AKR1E2: variants seen among roughly 807,000 people sequenced by gnomAD.
AKR1E2 encodes aldo-keto reductase family 1 member E2, also known as 1,5-anhydro-D-fructose reductase.
A neutral mutation model predicts 41.9 loss-of-function variants in AKR1E2; 43 were observed. That is an observed-to-expected ratio of 1.03 (90% CI 0.80 to 1.32). The LOEUF (loss-of-function observed/expected upper bound fraction) is 1.32, where lower values mean the gene tolerates loss of function less well. Ranked by LOEUF, AKR1E2 falls within the 40% of genes most tolerant of loss-of-function variation. The pLI is 0.00. For synonymous variants in AKR1E2, 121 were observed against 138.9 expected (o/e 0.87, Z 0.91); for missense variants, 423 against 396.5 (o/e 1.07, Z -0.57).
intron 8 of AKR1E2, among the ~76,000 whole-genome samples, chr10:4,845,334 C>T (rs868168504): frequency 1.3e-5 from 2 of 152,228 alleles, no homozygotes; most frequent in Non-Finnish European, 2.9e-5. Context: ...GAGCCGACTC[C>T]GGCCTCGGCC....
intron 3 of AKR1E2, among the ~76,000 whole-genome samples, chr10:4,834,380 C>T (rs1239501875): frequency 3.9e-5 from 6 of 152,340 alleles, no homozygotes; most frequent in Non-Finnish European, 8.8e-5. Context: ...GGGCAGCTGT[C>T]CGTTAGTGAC....
At chr10:4,833,265 A>G (rs1702951628) in intron 2 of AKR1E2, 85 bp from the exon 3 acceptor site, 6 of 1,111,048 alleles carry the variant, frequency 5.4e-6, no homozygotes, top group Non-Finnish European at 8.2e-6. Context: ...TTTGGGTTCA[A>G]GACAGTAGCT....
the AKR1E2 span, among the ~76,000 whole-genome samples, chr10:4,871,728 G>C: frequency 6.6e-6 from 1 of 152,064 alleles, no homozygotes; most frequent in Admixed American, 6.5e-5. Context: ...GGAATCAAGA[G>C]AAAACTAGGT....
At chr10:4,844,723 C>T (rs1364409018) in intron 8 of AKR1E2, among the ~76,000 whole-genome samples, 1 of 152,180 alleles carries the variant, frequency 6.6e-6, no homozygotes, top group Non-Finnish European at 1.5e-5. Flanking sequence ...GTGAGCTAGA[C>T]ACAGGGTGCT....
upstream of AKR1E2, among the ~76,000 whole-genome samples, chr10:4,825,568 T>G (rs1427430577): frequency 6.6e-6 from 1 of 152,152 alleles, no homozygotes; most frequent in Non-Finnish European, 1.5e-5. Flanking sequence ...CCCGCTGTCC[T>G]GCAAGCCCCA....
In AKR1E2 at chr10:4,839,889, T is replaced by C. The variant is rs77912995; in HGVS notation, c.680+63T>C. ...CTGGGAAGTAGATGCCACCTTCTCATTTCCTTGGGATGACTGAGGGAGGGC... is the reference window on the plus strand; with the variant it reads ...CTGGGAAGTAGATGCCACCTTCTCACTTCCTTGGGATGACTGAGGGAGGGC... On this transcript the variant is annotated intron_variant, in intron 6 of 9. Coordinates refer to ENST00000298375, the MANE Select transcript of AKR1E2 (RefSeq NM_001040177.3). 405 of 1,453,746 alleles carry C rather than the reference T, an allele frequency of 2.8e-4. 1 individual carries two copies. In the East Asian group the frequency reaches 7.9e-3, roughly 28 times the overall value. 90.1% of individuals were successfully genotyped at this position (1,453,746 alleles called of 1,614,324 possible). A position where few individuals can be genotyped will look rare whatever the true frequency, so the allele number is the denominator to read the frequency against.
At position 4,847,767 on chromosome 10, in the gene AKR1E2, A is replaced by T. The variant is rs1302628448; in HGVS notation, c.*237A>T. 1.9e-6 allele frequency: 1 copy of T among 522,960 alleles called. No individual in the cohort carries two copies. Among genetic ancestry groups the T allele is most frequent in the Non-Finnish European group, 3.4e-6 (1 of 297,094 alleles). The allele number at this position is 522,960 out of a possible 1,614,324, so 32.4% of individuals were successfully genotyped here. On this transcript the variant is annotated 3_prime_UTR_variant, in exon 10 of 10. Transcript: ENST00000298375. Reference sequence around the variant, plus strand: ...TGTGGCCTCTACTCTGAACAAATACACTGATGAGTCATCAGTGAAATTTGC... The same window carrying T: ...TGTGGCCTCTACTCTGAACAAATACTCTGATGAGTCATCAGTGAAATTTGC...
chr10:4,852,971 G>T (rs552821906), downstream of AKR1E2, among the ~76,000 whole-genome samples: 1 of 152,286 alleles, frequency 6.6e-6, no homozygotes, highest in Admixed American at 6.5e-5. Context: ...AGGTTGTGGG[G>T]CTATGTCTTA....
At chr10:4,865,830 C>T in the AKR1E2 span, among the ~76,000 whole-genome samples, 8 of 152,272 alleles carry the variant, frequency 5.3e-5, no homozygotes, top group Admixed American at 2.0e-4. Flanking sequence ...CCAACCCAAC[C>T]GTTGCCACCA....
At position 4,839,744 on chromosome 10, in the gene AKR1E2, T is replaced by C; in HGVS notation, c.598T>C (p.Tyr200His). 1 of 1,614,040 alleles carries C rather than the reference T, an allele frequency of 6.2e-7. No homozygotes were observed. The highest frequency in any genetic ancestry group is 8.5e-7 in the Non-Finnish European group (1 of 1,179,886). The stretch of plus-strand genomic sequence containing the variant: ...TCTGTTATAGATTGAGTGCCACCCA[T>C]ATCTTACTCAGAAGAATCTGATCAG... ...PLTNQIECHP[Y>H]LTQKNLISFC... The change falls in exon 6 of 10, where the codon TAT becomes CAT. Residue 200 changes from tyrosine (Y) to histidine (H), a missense_variant. Physicochemically the swap from Tyr to His is moderately conservative, Grantham distance 83. Coordinates refer to ENST00000298375, the MANE Select transcript of AKR1E2 (RefSeq NM_001040177.3).
chr10:4,830,732 C>T lies in AKR1E2; in HGVS notation c.97C>T (p.His33Tyr), dbSNP rs141566915. Residue 33 changes from histidine (H) to tyrosine (Y), a missense_variant, in exon 2 of 10, where the codon CAC (histidine) becomes TAC (tyrosine). Physicochemically the swap from His to Tyr is moderately conservative, Grantham distance 83. Transcript: ENST00000298375. ...AGAGGCCATTGACGCAGGGTACCGG[C>T]ACTTCGACTGTGCTTACTTTTACCA... ...VKEAIDAGYR[H>Y]FDCAYFYHNE... 2.4e-5 allele frequency: 39 copies of T among 1,614,106 alleles called. No homozygotes were observed. Among genetic ancestry groups the T allele is most frequent in the Non-Finnish European group, 3.2e-5 (38 of 1,180,004 alleles).
downstream of AKR1E2, among the ~76,000 whole-genome samples, chr10:4,850,352 AT>A (rs1564281924): frequency 6.6e-6 from 1 of 152,218 alleles, no homozygotes; most frequent in African/African-American, 2.4e-5. Flanking sequence ...TTTTATTTGA[AT>A]GGAAAATCCA....
At chr10:4,826,532 G>T (rs1360430613) in intron 1 of AKR1E2, among the ~76,000 whole-genome samples, 169 bp downstream of exon 1, 1 of 152,202 alleles carries the variant, frequency 6.6e-6, no homozygotes, top group East Asian at 1.9e-4. Context: ...CCCACAAGCA[G>T]CCCGGCCCGG....
upstream of AKR1E2, chr10:4,826,191 T>C: frequency 1.6e-6 from 1 of 621,732 alleles, no homozygotes; most frequent in East Asian, 3.5e-5. Flanking sequence ...TTCCAGCCAT[T>C]GTCGGAGTGT....
chr10:4,835,638 T>TA lies in AKR1E2; in HGVS notation c.325-37_325-36insA, dbSNP rs748281837. ...ACATGGTTTTTTTTGTTTTGTTTTG[T>TA]TTTGTTTTCACACATCTCAACTCTC... is the stretch of plus-strand genomic sequence containing the variant. On this transcript the variant is annotated intron_variant, in intron 3 of 9. Transcript: ENST00000298375. The TA allele has an allele frequency of 1.1e-5, 17 of 1,595,626 alleles. No individual in the cohort carries two copies. In the Middle Eastern group the frequency reaches 5.0e-4, roughly 47 times the overall value.
chr10:4,866,646 T>G, the AKR1E2 span, among the ~76,000 whole-genome samples: 20 of 117,832 alleles, frequency 1.7e-4, 2 homozygotes, highest in Non-Finnish European at 2.5e-4. Flanking sequence ...TTTGTTTTTG[T>G]TTTTTTTTTT....
At chr10:4,858,033 C>A in the AKR1E2 span, among the ~76,000 whole-genome samples, 1 of 152,016 alleles carries the variant, frequency 6.6e-6, no homozygotes, top group African/African-American at 2.4e-5. Flanking sequence ...CTGTTAGATT[C>A]GGTTTCGTTC....
chr10:4,873,041 C>T, the AKR1E2 span, among the ~76,000 whole-genome samples: 1 of 152,066 alleles, frequency 6.6e-6, no homozygotes, highest in Non-Finnish European at 1.5e-5. Context: ...TTGGCTGTGT[C>T]CCCACCCAAA....
In AKR1E2 at chr10:4,847,617, G is replaced by T; in HGVS notation, c.*87G>T. ...ACCCTCCTCTGTCATCACAGCGCCA[G>T]GGCAGCTGTGCCTGGGACAGGAGCC... On this transcript the variant is annotated 3_prime_UTR_variant, in exon 10 of 10. Coordinates refer to ENST00000298375, the MANE Select transcript of AKR1E2 (RefSeq NM_001040177.3). 6.8e-7 allele frequency: 1 copy of T among 1,474,588 alleles called. No homozygotes were observed. The highest frequency in any genetic ancestry group is 9.4e-7 in the Non-Finnish European group (1 of 1,063,464). 91.3% of individuals were successfully genotyped at this position (1,474,588 alleles called of 1,614,324 possible).
Sources: gnomAD v4.1 joint callset for allele counts (sites outside exome capture counted in the v4.1 genomes callset) on GRCh38, gnomAD v4.1.1 for gene constraint, MANE v1.5 for transcripts, NCBI Gene and HGNC (gene_info 2026-07-23, HGNC 2026-07-21) for gene names.